Variants in FOXP1 observed in about 807,000 individuals in gnomAD.
The protein encoded by FOXP1 is forkhead box P1.
In FOXP1, 15 loss-of-function variants were observed where a neutral mutation model predicts 98.2. The ratio of observed to expected loss-of-function variants is 0.15; its 90% CI spans 0.10 to 0.24. The LOEUF is 0.24. Among genes scored for constraint, FOXP1 ranks in the 10% least tolerant of loss-of-function variants. The pLI is 1.00. For synonymous variants in FOXP1, 371 were observed against 314.5 expected, an observed-to-expected ratio of 1.18 and a Z score of -1.90; for missense variants, 633 against 848.5, an observed-to-expected ratio of 0.75 and a Z score of 3.15.
At chr3:71,463,615 C>T (rs2088387019) in intron 3 of FOXP1, among the ~76,000 whole-genome samples, 1 of 152,094 alleles carries the variant, frequency 6.6e-6, no homozygotes, top group Non-Finnish European at 1.5e-5. Flanking sequence ...ACTTCTACCT[C>T]ACGGGGTGTT....
chr3:71,009,899 C>G (rs923237932), intron 12 of FOXP1, among the ~76,000 whole-genome samples: 2 of 151,534 alleles, frequency 1.3e-5, no homozygotes, highest in African/African-American at 4.9e-5. Context: ...TGGGCACATG[C>G]CACGACACCC....
intron 3 of FOXP1, among the ~76,000 whole-genome samples, chr3:71,397,786 C>A (rs1454860588): frequency 6.6e-6 from 1 of 150,630 alleles, no homozygotes; most frequent in Non-Finnish European, 1.5e-5. Flanking sequence ...AATAATTTCT[C>A]CATCTACACT....
chr3:71,552,532 TAAA>T (rs1224260299), intron 2 of FOXP1, among the ~76,000 whole-genome samples: 3 of 151,150 alleles, frequency 2.0e-5, no homozygotes, highest in Non-Finnish European at 4.4e-5. Context: ...ACAATCAAAA[TAAA>T]AAAGGAAATT....
rs1560101560 is a variant in FOXP1, at chr3:71,198,205, T to C, written c.177A>G (p.Gln59=). 2 of 1,614,044 alleles carry C rather than the reference T, an allele frequency of 1.2e-6. No homozygotes were observed. ...CCAAGACTCCAAAGCCCAGTACCTGTTGCTGCTGCTGCTGGGCGTGGGCGA... is the reference window on the plus strand; with the variant it reads ...CCAAGACTCCAAAGCCCAGTACCTGCTGCTGCTGCTGCTGGGCGTGGGCGA... The part of the protein sequence containing the change: ...ADLAHAQQQQ[Q]QALQVARQLL... Residue 59 remains glutamine (Q), a synonymous_variant, in exon 6 of 21, where the codon CAA becomes CAG. Transcript: ENST00000649528.
At chr3:71,338,970 A>G (rs987832552) in intron 4 of FOXP1, among the ~76,000 whole-genome samples, 11 of 152,292 alleles carry the variant, frequency 7.2e-5, no homozygotes, top group Middle Eastern at 3.4e-3. Context: ...GTTTAAGGGG[A>G]AAAAGAAGAA....
At chr3:71,164,366 A>AT (rs1021129404) in intron 6 of FOXP1, among the ~76,000 whole-genome samples, 2 of 151,894 alleles carry the variant, frequency 1.3e-5, no homozygotes, top group East Asian at 1.9e-4. Flanking sequence ...CGCCCGGAGA[A>AT]TTTTTTGTAT....
intron 5 of FOXP1, among the ~76,000 whole-genome samples, chr3:71,221,200 T>C (rs1403433771): frequency 1.3e-5 from 2 of 152,136 alleles, no homozygotes; most frequent in African/African-American, 2.4e-5. Flanking sequence ...AGGAACCCTA[T>C]TGTGAAACGT....
intron 4 of FOXP1, chr3:71,332,475 G>A (rs898072056): frequency 1.2e-4 from 21 of 174,466 alleles, no homozygotes; most frequent in African/African-American, 3.8e-4. Context: ...CACCAATTCC[G>A]GACACACCAG....
chr3:71,566,427 G>A (rs758196818), intron 2 of FOXP1, among the ~76,000 whole-genome samples: 4 of 152,152 alleles, frequency 2.6e-5, no homozygotes, highest in Non-Finnish European at 5.9e-5. Context: ...GACAGACTAC[G>A]TAAACACATT....
intron 12 of FOXP1, among the ~76,000 whole-genome samples, chr3:71,010,489 G>A (rs1361521174): frequency 6.6e-6 from 1 of 152,168 alleles, no homozygotes; most frequent in South Asian, 2.1e-4. Context: ...GACTATGCCT[G>A]TTTTAAGGTT....
intron 13 of FOXP1, among the ~76,000 whole-genome samples, chr3:70,996,487 G>A (rs1483826127): frequency 2.0e-5 from 3 of 152,188 alleles, no homozygotes; most frequent in African/African-American, 7.2e-5. Context: ...AACATCTCCA[G>A]CCACTATCCC....
At chr3:71,516,783 T>C (rs2042613810) in intron 2 of FOXP1, among the ~76,000 whole-genome samples, 1 of 151,886 alleles carries the variant, frequency 6.6e-6, no homozygotes, top group Non-Finnish European at 1.5e-5. Context: ...GAGGCAGAGG[T>C]TGCAGTGAGC....
chr3:70,985,890 A>G (rs1262608414), intron 14 of FOXP1, among the ~76,000 whole-genome samples: 1 of 152,184 alleles, frequency 6.6e-6, no homozygotes, highest in Non-Finnish European at 1.5e-5. Flanking sequence ...AGTGCTGTGC[A>G]GCGATATTGG....
chr3:71,436,687 T>C (rs2085392564), intron 3 of FOXP1, among the ~76,000 whole-genome samples: 1 of 152,026 alleles, frequency 6.6e-6, no homozygotes, highest in Non-Finnish European at 1.5e-5. Context: ...GAACCGACTG[T>C]AGTCATAAAC....
chr3:71,528,554 C>G (rs973891901), intron 2 of FOXP1, among the ~76,000 whole-genome samples: 1 of 152,184 alleles, frequency 6.6e-6, no homozygotes, highest in Non-Finnish European at 1.5e-5. Flanking sequence ...GCGTTCCACT[C>G]CTGTATTGTC....
intron 6 of FOXP1, among the ~76,000 whole-genome samples, chr3:71,135,942 G>A (rs1231011193): frequency 1.3e-5 from 2 of 152,098 alleles, no homozygotes; most frequent in Non-Finnish European, 2.9e-5. Context: ...CCCTCCCTTT[G>A]GAGAAAGAAA....
intron 3 of FOXP1, among the ~76,000 whole-genome samples, chr3:71,487,416 A>AG (rs1391641174): frequency 1.3e-5 from 2 of 152,192 alleles, no homozygotes; most frequent in Admixed American, 6.5e-5. Context: ...GCCAGATATT[A>AG]GGGTAAGTAC....
rs2032286606 is a variant in FOXP1, at chr3:70,958,193, C to A, written c.*1054G>T. On this transcript the variant is annotated 3_prime_UTR_variant, in exon 21 of 21. Transcript: ENST00000649528. ...ATGTGGTGGCATTTATTAATGGTTG[C>A]TGCAAAAAAAAAAAAAGAAAAGAAA... The A allele has an allele frequency of 1.5e-5, 6 of 400,202 alleles. No individual in the cohort carries two copies. Among genetic ancestry groups the A allele is most frequent in the Non-Finnish European group, 4.7e-6 (1 of 211,564 alleles). The allele number at this position is 400,202 out of a possible 1,614,324, so 24.8% of individuals were successfully genotyped here.
intron 2 of FOXP1, among the ~76,000 whole-genome samples, chr3:71,540,375 A>C (rs2044697834): frequency 6.6e-6 from 1 of 152,258 alleles, no homozygotes; most frequent in African/African-American, 2.4e-5. Context: ...AGGTGCTAGA[A>C]AAGAAAGAGT....
Sources: gnomAD v4.1 joint callset for allele counts (sites outside exome capture counted in the v4.1 genomes callset) on GRCh38, gnomAD v4.1.1 for gene constraint, MANE v1.5 for transcripts, NCBI Gene and HGNC (gene_info 2026-07-23, HGNC 2026-07-21) for gene names.